DIP2C: variants seen among roughly 807,000 people sequenced by gnomAD.
DIP2C encodes the protein DIP2 acetate--CoA ligase C (putative).
In DIP2C, 33 loss-of-function variants were observed where a neutral mutation model predicts 192.4. The observed-to-expected ratio is 0.17, with a 90% CI of 0.13 to 0.23. The LOEUF is 0.23. DIP2C is among the 10% of genes least tolerant of loss of function. The pLI is 1.00. For missense variants in DIP2C, 1,537 were observed against 2,110.1 expected, an observed-to-expected ratio of 0.73 and a Z score of 5.32; for synonymous variants, 979 against 864.1, an observed-to-expected ratio of 1.13 and a Z score of -2.33.
chr10:621,168 GGCCACGTATTC>G (rs940479923), intron 1 of DIP2C, among the ~76,000 whole-genome samples: 4 of 152,152 alleles, frequency 2.6e-5, no homozygotes, highest in African/African-American at 9.7e-5. Context: ...CGACGCAACG[GGCCACGTATTC>G]GCCACTTACC....
intron 2 of DIP2C, among the ~76,000 whole-genome samples, chr10:483,749 C>G (rs775695280): frequency 1.3e-5 from 2 of 152,142 alleles, no homozygotes; most frequent in African/African-American, 4.8e-5. Context: ...GGAGGCGAGG[C>G]GGGGTGTCCT....
chr10:583,560 C>T (rs1850796548), intron 1 of DIP2C, among the ~76,000 whole-genome samples: 1 of 152,214 alleles, frequency 6.6e-6, no homozygotes. Context: ...GCACACAGGT[C>T]AGGGCCCTCT....
intron 26 of DIP2C, among the ~76,000 whole-genome samples, chr10:348,316 C>G (rs1229549400): frequency 6.6e-6 from 1 of 152,206 alleles, no homozygotes; most frequent in African/African-American, 2.4e-5. Flanking sequence ...AAAGCCCTGC[C>G]TCTTCCCGTG....
chr10:365,897 C>T (rs1042748884), intron 19 of DIP2C, among the ~76,000 whole-genome samples: 67 of 152,172 alleles, frequency 4.4e-4, no homozygotes, highest in Admixed American at 2.8e-3. Context: ...GGCGAGGGTT[C>T]GTACCTGGCC....
intron 2 of DIP2C, among the ~76,000 whole-genome samples, chr10:485,690 ATCT>A: frequency 6.6e-6 from 1 of 152,274 alleles, no homozygotes; most frequent in Non-Finnish European, 1.5e-5. Context: ...ACCTTCTAAA[ATCT>A]TCTTTCAATG....
chr10:606,226 A>G (rs911633322), intron 1 of DIP2C, among the ~76,000 whole-genome samples: 8 of 151,678 alleles, frequency 5.3e-5, no homozygotes, highest in African/African-American at 2.0e-4. Flanking sequence ...CACCTGGCTC[A>G]TGGGCTCCAC....
At position 486,435 on chromosome 10, in the gene DIP2C, A is replaced by G. The variant is rs776931924; in HGVS notation, c.157+24T>C. ...GTGAATGCGGGAAATGAGAGGACTC[A>G]TGCTACTCATGGGGGTTACCTACTC... On this transcript the variant is annotated intron_variant, in intron 2 of 36. Transcript: ENST00000280886. 23 of 1,578,122 alleles carry G rather than the reference A, an allele frequency of 1.5e-5. No homozygotes were observed. In the African/African-American group the frequency reaches 2.7e-4, roughly 19 times the overall value.
chr10:601,084 G>T (rs1458938144), intron 1 of DIP2C, among the ~76,000 whole-genome samples: 1 of 152,126 alleles, frequency 6.6e-6, no homozygotes, highest in African/African-American at 2.4e-5. Context: ...TGCCACTTCA[G>T]CCTACACTCT....
chr10:369,478 C>G lies in DIP2C; in HGVS notation c.2131+16G>C. On this transcript the variant is annotated intron_variant, in intron 18 of 36. Transcript: ENST00000280886. ...TAATAACTGGTTAATCTGTGCAGCT[C>G]GCGACCCACACTCACCTCCAGGCAT... The G allele has an allele frequency of 6.6e-7, 1 of 1,525,804 alleles. No individual in the cohort carries two copies. The allele number at this position is 1,525,804 out of a possible 1,614,324, so 94.5% of individuals were successfully genotyped here. A position where few individuals can be genotyped will look rare whatever the true frequency, so the allele number is the denominator to read the frequency against.
At chr10:531,532 T>G (rs1847371197) in intron 1 of DIP2C, among the ~76,000 whole-genome samples, 1 of 152,202 alleles carries the variant, frequency 6.6e-6, no homozygotes, top group Admixed American at 6.5e-5. Context: ...ACCGAATTCC[T>G]AACACCAAAG....
chr10:415,951 T>G, intron 6 of DIP2C, 63 bp from the exon 7 acceptor site: 1 of 1,599,140 alleles, frequency 6.3e-7, no homozygotes, highest in Non-Finnish European at 8.5e-7. Context: ...GCACCCACAG[T>G]CCCACAGTCC....
intron 1 of DIP2C, among the ~76,000 whole-genome samples, chr10:577,854 G>C (rs960563889): frequency 1.3e-5 from 2 of 150,192 alleles, no homozygotes; most frequent in Non-Finnish European, 2.9e-5. Context: ...AAAGAAGAAA[G>C]AACTTAAGAA....
At chr10:367,924 G>C (rs1033478558) in intron 18 of DIP2C, among the ~76,000 whole-genome samples, 1 of 151,244 alleles carries the variant, frequency 6.6e-6, no homozygotes, top group Non-Finnish European at 1.5e-5. Context: ...ACGGGGGCCC[G>C]GGAAGCCCGC....
chr10:356,283 G>T (rs1249941102), intron 24 of DIP2C, 143 bp downstream of exon 24: 1 of 919,300 alleles, frequency 1.1e-6, no homozygotes, highest in African/African-American at 1.6e-5. Flanking sequence ...AGGTACAAAA[G>T]TCTCAGTCAA....
At chr10:580,838 TTC>T (rs796641337) in intron 1 of DIP2C, among the ~76,000 whole-genome samples, 201 of 152,332 alleles carry the variant, frequency 1.3e-3, no homozygotes, top group African/African-American at 4.4e-3. Flanking sequence ...CGCAACCACT[TTC>T]TGTCAGAGCT....
At chr10:374,431 A>G (rs776790655) in intron 17 of DIP2C, among the ~76,000 whole-genome samples, 1 of 152,214 alleles carries the variant, frequency 6.6e-6, no homozygotes, top group Non-Finnish European at 1.5e-5. Context: ...TTAATGACCT[A>G]TTCTGCACAG....
At chr10:602,141 G>A (rs964848728) in intron 1 of DIP2C, among the ~76,000 whole-genome samples, 9 of 152,074 alleles carry the variant, frequency 5.9e-5, no homozygotes, top group African/African-American at 9.7e-5. Flanking sequence ...CTCAGGCAAC[G>A]TTCAGTATTG....
chr10:386,150 G>A lies in DIP2C; in HGVS notation c.1663-1511C>T, dbSNP rs532415387. ...CCGGAAAGTTGGGTGTTCTAATGACGAGAGTGACTAACGGCACCAGTGATG... is the reference window on the plus strand; with the variant it reads ...CCGGAAAGTTGGGTGTTCTAATGACAAGAGTGACTAACGGCACCAGTGATG... On this transcript the variant is annotated intron_variant, in intron 14 of 36. Coordinates refer to ENST00000280886, the MANE Select transcript of DIP2C (RefSeq NM_014974.3). 2.8e-4 allele frequency among the ~76,000 whole-genome samples: 42 copies of A among 152,310 alleles called. No individual in the cohort carries two copies. The South Asian group carries it at 3.3e-3, about 12-fold the overall frequency.
intron 1 of DIP2C, among the ~76,000 whole-genome samples, chr10:626,112 C>T (rs534669364): frequency 5.9e-5 from 9 of 152,180 alleles, no homozygotes; most frequent in Admixed American, 1.3e-4. Flanking sequence ...CGTCCATGGA[C>T]CACGACAAAA....
Sources: gnomAD v4.1 joint callset for allele counts (sites outside exome capture counted in the v4.1 genomes callset) on GRCh38, gnomAD v4.1.1 for gene constraint, MANE v1.5 for transcripts, NCBI Gene and HGNC (gene_info 2026-07-23, HGNC 2026-07-21) for gene names.